The following GDA variants were observed in gnomAD, a reference collection of about 807,000 sequenced individuals.
GDA encodes guanine deaminase, also known as cytoplasmic PSD-95 interactor.
Under a neutral mutation model 59.6 loss-of-function variants are expected in GDA, and 18 were observed. The observed-to-expected ratio is 0.30, with a 90% CI of 0.21 to 0.45. The LOEUF (loss-of-function observed/expected upper bound fraction) is 0.45. GDA is among the 20% of genes least tolerant of loss of function. The pLI is 1.00. For synonymous variants in GDA, 201 were observed against 201.1 expected (o/e 1.00, Z 0.00); for missense variants, 427 against 552.3 (o/e 0.77, Z 2.27).
upstream of GDA, among the ~76,000 whole-genome samples, chr9:72,148,318 TG>T (rs1326429078): frequency 1.8e-3 from 13 of 7,238 alleles, 1 homozygote; most frequent in Admixed American, 0.033. Context: ...TATGTGTGTG[TG>T]TGTGTGTGTG....
downstream of GDA, chr9:72,257,857 G>C (rs1840903391): frequency 1.3e-5 from 2 of 151,698 alleles, no homozygotes. Context: ...GCTTGAGCCT[G>C]AGAGGTGAAG....
chr9:72,199,692 G>A (rs1181723582), intron 2 of GDA, among the ~76,000 whole-genome samples: 1 of 152,070 alleles, frequency 6.6e-6, no homozygotes, highest in African/African-American at 2.4e-5. Flanking sequence ...CCAAAATTGG[G>A]GGTCTTAGGA....
chr9:72,231,290 T>A, intron 10 of GDA, 109 bp downstream of exon 10: 1 of 690,588 alleles, frequency 1.4e-6, no homozygotes, highest in Non-Finnish European at 2.6e-6. Flanking sequence ...AAAAAATTAG[T>A]TTTGGGCCGG....
At position 72,149,701 on chromosome 9, in the gene GDA, G is replaced by A. The variant is rs577049917; in HGVS notation, c.123+19G>A. 1,136 of 1,584,162 alleles carry A rather than the reference G, an allele frequency of 7.2e-4. 9 individuals are homozygous for A. In the African/African-American group the frequency reaches 0.014, roughly 20 times the overall value. ...CGGCAAAGTAAGCAGGCGCGGGGTC[G>A]AGCGCACTCCGACGGGCGGGAGGAT... On this transcript the variant is annotated intron_variant, in intron 1 of 13. Transcript: ENST00000358399.
intron 1 of GDA, among the ~76,000 whole-genome samples, chr9:72,135,950 A>G (rs1348554816): frequency 6.6e-6 from 1 of 151,898 alleles, no homozygotes; most frequent in East Asian, 2.0e-4. Context: ...TTATTTCTCT[A>G]ACTTCGGGTA....
intron 1 of GDA, among the ~76,000 whole-genome samples, chr9:72,166,588 C>A (rs1385711572): frequency 2.0e-5 from 3 of 152,108 alleles, no homozygotes; most frequent in African/African-American, 7.2e-5. Context: ...AATACCCTGA[C>A]TTGATCATTA....
At chr9:72,193,190 T>G (rs986486690) in intron 1 of GDA, among the ~76,000 whole-genome samples, 7 of 152,194 alleles carry the variant, frequency 4.6e-5, no homozygotes, top group African/African-American at 1.7e-4. Flanking sequence ...TTGATACTTG[T>G]AGATGTTTGT....
At chr9:72,241,866 C>T (rs1839648778) in intron 11 of GDA, among the ~76,000 whole-genome samples, 1 of 152,106 alleles carries the variant, frequency 6.6e-6, no homozygotes, top group African/African-American at 2.4e-5. Flanking sequence ...TACACTTCAG[C>T]GTGGGCAACA....
At chr9:72,120,969 C>T (rs182328412) in intron 1 of GDA, among the ~76,000 whole-genome samples, 410 of 152,224 alleles carry the variant, frequency 2.7e-3, no homozygotes, top group Non-Finnish European at 5.0e-3. Context: ...TCTTCCCCTG[C>T]CTTCTTGGGG....
chr9:72,195,641 T>C (rs1305139655), intron 2 of GDA, 53 bp downstream of exon 2: 2 of 687,346 alleles, frequency 2.9e-6, no homozygotes, highest in East Asian at 2.7e-5. Flanking sequence ...GCTTAAATTA[T>C]AGAAAACCTG....
chr9:72,200,060 T>G (rs551471826), intron 2 of GDA, among the ~76,000 whole-genome samples: 6 of 148,128 alleles, frequency 4.1e-5, no homozygotes, highest in Non-Finnish European at 7.4e-5. Flanking sequence ...TGCAGTGGCA[T>G]GATCTCTGCT....
intron 1 of GDA, among the ~76,000 whole-genome samples, chr9:72,160,233 C>T (rs1208047269): frequency 6.6e-6 from 1 of 152,088 alleles, no homozygotes; most frequent in South Asian, 2.1e-4. Flanking sequence ...GGCCGAAACC[C>T]GGGAGGCGGA....
At chr9:72,209,083 C>T (rs1835059212) in intron 3 of GDA, among the ~76,000 whole-genome samples, 1 of 149,014 alleles carries the variant, frequency 6.7e-6, no homozygotes, top group South Asian at 2.1e-4. Context: ...TGTCATTTAT[C>T]TGTGACCAGT....
chr9:72,212,201 G>C (rs1835458869), intron 4 of GDA, among the ~76,000 whole-genome samples: 1 of 152,146 alleles, frequency 6.6e-6, no homozygotes. Context: ...AGAATAGTAT[G>C]GCCAGGCGCG....
upstream of GDA, among the ~76,000 whole-genome samples, chr9:72,145,977 G>A (rs73650303): frequency 9.0e-3 from 1,366 of 152,186 alleles, 26 homozygotes; most frequent in African/African-American, 0.031. Context: ...TTAAGGGGAT[G>A]GATACACAGA....
At chr9:72,149,725 A>G in intron 1 of GDA, 43 bp downstream of exon 1, 2 of 1,557,184 alleles carry the variant, frequency 1.3e-6, no homozygotes, top group Non-Finnish European at 1.7e-6. Flanking sequence ...GGGCGGGAGG[A>G]TAGGTGCAAG....
At chr9:72,137,030 AT>A (rs1826251575) in intron 1 of GDA, among the ~76,000 whole-genome samples, 1 of 152,072 alleles carries the variant, frequency 6.6e-6, no homozygotes, top group African/African-American at 2.4e-5. Flanking sequence ...ACATATGAAT[AT>A]TAAAACTAAC....
At chr9:72,123,343 C>T (rs1271182176) in intron 1 of GDA, among the ~76,000 whole-genome samples, 2 of 151,890 alleles carry the variant, frequency 1.3e-5, no homozygotes, top group Non-Finnish European at 2.9e-5. Flanking sequence ...GCCACCACAC[C>T]TGGCTAATTT....
At chr9:72,179,419 C>T (rs1358426059) in intron 1 of GDA, among the ~76,000 whole-genome samples, 19 of 152,084 alleles carry the variant, frequency 1.2e-4, no homozygotes, top group Non-Finnish European at 1.6e-4. Flanking sequence ...ACTTTATTTT[C>T]AAAAATGGTA....
Sources: allele counts gnomAD v4.1 joint callset (sites outside exome capture counted in the v4.1 genomes callset), GRCh38; gene constraint gnomAD v4.1.1; transcripts MANE v1.5; gene names NCBI Gene and HGNC (gene_info 2026-07-23, HGNC 2026-07-21).